The following LTBP1 variants were observed in gnomAD, a reference collection of about 807,000 sequenced individuals.
The protein encoded by LTBP1 is latent-transforming growth factor beta-binding protein 1.
A neutral mutation model predicts 207.6 loss-of-function variants in LTBP1; 129 were observed. The observed-to-expected ratio is 0.62, with a 90% CI of 0.54 to 0.72. The LOEUF (loss-of-function observed/expected upper bound fraction) is 0.72, where lower values mean the gene tolerates loss of function less well. Ranked by LOEUF, LTBP1 falls within the 30% of genes least tolerant of loss-of-function variation. The pLI is 0.00. For missense variants in LTBP1, 2,281 were observed against 2,217.2 expected, an observed-to-expected ratio of 1.03 and a Z score of -0.58; for synonymous variants, 963 against 833.7, an observed-to-expected ratio of 1.16 and a Z score of -2.67.
intron 3 of LTBP1, among the ~76,000 whole-genome samples, chr2:33,056,886 C>T (rs886192155): frequency 6.6e-6 from 1 of 152,106 alleles, no homozygotes; most frequent in African/African-American, 2.4e-5. Flanking sequence ...GCCCCACCCA[C>T]ATCCTGCCGA....
intron 3 of LTBP1, among the ~76,000 whole-genome samples, chr2:33,043,256 T>G (rs1419326860): frequency 6.6e-6 from 1 of 152,206 alleles, no homozygotes; most frequent in African/African-American, 2.4e-5. Flanking sequence ...TTTCAACTCT[T>G]GTATATAACA....
intron 31 of LTBP1, among the ~76,000 whole-genome samples, chr2:33,375,784 T>C (rs2095132701): frequency 6.6e-6 from 1 of 151,240 alleles, no homozygotes; most frequent in Non-Finnish European, 1.5e-5. Context: ...CCTCGTGATC[T>C]GCCCGCCTCG....
At chr2:33,171,263 A>G (rs573977754) in intron 5 of LTBP1, among the ~76,000 whole-genome samples, 27 of 126,224 alleles carry the variant, frequency 2.1e-4, no homozygotes, top group African/African-American at 7.5e-4. Context: ...ACTTTGAAAA[A>G]AATTTAGACG....
chr2:33,152,361 G>A (rs150543747), intron 5 of LTBP1, among the ~76,000 whole-genome samples: 2,286 of 152,224 alleles, frequency 0.015, 22 homozygotes, highest in East Asian at 0.027. Flanking sequence ...CAAAACTACA[G>A]TGCGATACCA....
At chr2:33,179,023 G>A (rs1363964880) in intron 5 of LTBP1, among the ~76,000 whole-genome samples, 2 of 151,712 alleles carry the variant, frequency 1.3e-5, no homozygotes, top group South Asian at 2.1e-4. Flanking sequence ...TTTCGGGCAT[G>A]AGCCACCATG....
chr2:33,102,856 C>A (rs1370785450), intron 3 of LTBP1, among the ~76,000 whole-genome samples: 1 of 152,050 alleles, frequency 6.6e-6, no homozygotes, highest in Admixed American at 6.5e-5. Context: ...GCTGTATGCA[C>A]TGTCTGTATG....
chr2:33,047,343 A>T (rs2076499975), intron 3 of LTBP1, among the ~76,000 whole-genome samples: 1 of 152,048 alleles, frequency 6.6e-6, no homozygotes, highest in African/African-American at 2.4e-5. Context: ...CAAAGAACTT[A>T]CTTCTTTCTG....
intron 3 of LTBP1, among the ~76,000 whole-genome samples, chr2:33,083,426 T>G (rs1485027451): frequency 2.0e-5 from 3 of 152,060 alleles, no homozygotes; most frequent in Admixed American, 6.5e-5. Context: ...GAGTCCAGGC[T>G]TCACTGGGAA....
At chr2:33,341,584 G>A (rs2094621469) in intron 24 of LTBP1, among the ~76,000 whole-genome samples, 1 of 151,356 alleles carries the variant, frequency 6.6e-6, no homozygotes, top group Non-Finnish European at 1.5e-5. Context: ...GGTGGCGAGT[G>A]CCTGTAGTCC....
Position 33,397,179 on chromosome 2 carries a change from C to A in LTBP1, c.4881C>A (p.Ile1627=). 1 of 1,614,134 alleles carries A rather than the reference C, an allele frequency of 6.2e-7. No individual in the cohort carries two copies. Among genetic ancestry groups the A allele is most frequent in the Non-Finnish European group, 8.5e-7 (1 of 1,180,016 alleles). Residue 1627 remains isoleucine, a synonymous_variant, in exon 33 of 34, where the codon ATC becomes ATA. Coordinates refer to ENST00000404816, the MANE Select transcript of LTBP1 (RefSeq NM_206943.4). The part of the protein sequence containing the change: ...FEELQAEECG[I]LNGCENGRCV... ...AGTTACAGGCTGAGGAATGCGGCAT[C>A]CTCAATGGATGTGAAAATGGTCGCT...
At chr2:33,023,371 G>T (rs2075266662) in intron 3 of LTBP1, among the ~76,000 whole-genome samples, 1 of 152,186 alleles carries the variant, frequency 6.6e-6, no homozygotes, top group Admixed American at 6.5e-5. Flanking sequence ...TAAAGGAACA[G>T]TCTATTTTTT....
At chr2:33,277,062 G>A (rs1010253982) in intron 18 of LTBP1, among the ~76,000 whole-genome samples, 4 of 152,204 alleles carry the variant, frequency 2.6e-5, no homozygotes, top group Admixed American at 6.5e-5. Context: ...GCTCTGTTAG[G>A]TGGGGCAGGA....
intron 24 of LTBP1, among the ~76,000 whole-genome samples, chr2:33,342,058 A>C (rs772773451): frequency 1.1e-4 from 16 of 152,226 alleles, no homozygotes; most frequent in Non-Finnish European, 2.2e-4. Context: ...GAAGGAAAGA[A>C]CGGAGAAGGA....
intron 5 of LTBP1, among the ~76,000 whole-genome samples, chr2:33,161,999 C>T (rs1033257802): frequency 2.6e-5 from 4 of 152,202 alleles, no homozygotes; most frequent in Non-Finnish European, 4.4e-5. Context: ...TAGCTTCACA[C>T]GAGCTTGAGA....
At chr2:33,282,730 A>G (rs1234588886) in intron 19 of LTBP1, among the ~76,000 whole-genome samples, 3 of 152,182 alleles carry the variant, frequency 2.0e-5, no homozygotes, top group Non-Finnish European at 2.9e-5. Flanking sequence ...CTGAGTGTCT[A>G]CCTTGTGCCA....
chr2:33,082,602 T>G (rs2078506136), intron 3 of LTBP1, among the ~76,000 whole-genome samples: 1 of 151,914 alleles, frequency 6.6e-6, no homozygotes, highest in Non-Finnish European at 1.5e-5. Flanking sequence ...TTGTTTTATA[T>G]TTTTAGTAGA....
intron 9 of LTBP1, among the ~76,000 whole-genome samples, chr2:33,230,891 CACGTACTGTGG>C (rs56217238): frequency 0.44 from 66,456 of 151,814 alleles, 16,265 homozygotes; most frequent in Non-Finnish European, 0.55. Context: ...ACATTTTTGG[CACGTACTGTGG>C]GCAATACCAC....
At chr2:32,971,038 GTGTGTC>G (rs747828152) in intron 2 of LTBP1, among the ~76,000 whole-genome samples, 14 of 136,744 alleles carry the variant, frequency 1.0e-4, no homozygotes, top group African/African-American at 2.4e-4. Context: ...GTGTGTGTGT[GTGTGTC>G]TGTCTGTCTT....
rs1200221053 is a variant in LTBP1, at chr2:33,126,759, A to G, written c.1034-8034A>G. Among the ~76,000 whole-genome samples, 4 of 152,232 alleles carry G rather than the reference A, an allele frequency of 2.6e-5. 1 individual carries two copies. In the East Asian group the frequency reaches 7.7e-4, roughly 29 times the overall value. On this transcript the variant is annotated intron_variant, in intron 4 of 33. Coordinates refer to ENST00000404816, the MANE Select transcript of LTBP1 (RefSeq NM_206943.4). The stretch of plus-strand genomic sequence containing the variant: ...ATCTATTGAGTTTGGCCGTAGTCCC[A>G]TAGGGGGAGTAGTTGGGGCCATTGG...
Sources: gnomAD v4.1 joint callset for allele counts (sites outside exome capture counted in the v4.1 genomes callset) on GRCh38, gnomAD v4.1.1 for gene constraint, MANE v1.5 for transcripts, NCBI Gene and HGNC (gene_info 2026-07-23, HGNC 2026-07-21) for gene names.